CMSS1: variants seen among roughly 807,000 people sequenced by gnomAD.
The protein encoded by CMSS1 is cms1 ribosomal small subunit homolog.
A neutral mutation model predicts 43.5 loss-of-function variants in CMSS1; 33 were observed. That is an observed-to-expected ratio of 0.76 (90% CI 0.57 to 1.01). CMSS1 has a LOEUF of 1.01. Among genes scored for constraint, CMSS1 ranks in the 50% least tolerant of loss-of-function variants. The pLI is 0.00. For missense variants in CMSS1, 313 were observed against 326.4 expected, an observed-to-expected ratio of 0.96 and a Z score of 0.32; for synonymous variants, 115 against 117.2, an observed-to-expected ratio of 0.98 and a Z score of 0.12.
chr3:100,045,186 G>A lies in CMSS1; in HGVS notation c.65-101787G>A, dbSNP rs114594216. Among the ~76,000 whole-genome samples, 688 of 152,308 alleles carry A rather than the reference G, an allele frequency of 4.5e-3. 7 individuals carry two copies. Among genetic ancestry groups the A allele is most frequent in the African/African-American group, 0.016 (674 of 41,578 alleles). On this transcript the variant is annotated intron_variant, in intron 1 of 9. Coordinates refer to ENST00000421999, the MANE Select transcript of CMSS1 (RefSeq NM_032359.4). The stretch of plus-strand genomic sequence containing the variant: ...TTTAAAGCTGCGAATATGACCTCTC[G>A]AAGCCTTAGTTGTTGCATCTATAAC...
chr3:100,144,002 T>C (rs1025050217), intron 1 of CMSS1, among the ~76,000 whole-genome samples: 1 of 152,248 alleles, frequency 6.6e-6, no homozygotes. Context: ...GGTCATATTT[T>C]AAAATTCATT....
At chr3:99,846,239 G>A (rs751562508) in intron 1 of CMSS1, among the ~76,000 whole-genome samples, 20 of 152,110 alleles carry the variant, frequency 1.3e-4, no homozygotes, top group Non-Finnish European at 2.4e-4. Flanking sequence ...CTCTTTATCT[G>A]TTTCCCCCAG....
chr3:99,998,865 G>T (rs374270674), intron 1 of CMSS1, among the ~76,000 whole-genome samples: 1 of 152,084 alleles, frequency 6.6e-6, no homozygotes, highest in Non-Finnish European at 1.5e-5. Context: ...CACCGCGCCC[G>T]GCCATGGTTC....
intron 1 of CMSS1, among the ~76,000 whole-genome samples, chr3:99,855,399 G>T (rs1292054577): frequency 6.6e-6 from 1 of 152,126 alleles, no homozygotes; most frequent in Non-Finnish European, 1.5e-5. Context: ...TATAATAGCT[G>T]CCATTCTTTA....
intron 1 of CMSS1, among the ~76,000 whole-genome samples, chr3:99,859,658 T>G (rs1413175057): frequency 6.6e-6 from 1 of 152,240 alleles, no homozygotes; most frequent in Non-Finnish European, 1.5e-5. Flanking sequence ...AATACATAAT[T>G]TTAACTGTGT....
chr3:100,021,481 GA>G (rs201091403), intron 1 of CMSS1, among the ~76,000 whole-genome samples: 1,875 of 152,260 alleles, frequency 0.012, 32 homozygotes, highest in African/African-American at 0.042. Context: ...TCCTTGTAGA[GA>G]AAATTCCTGT....
chr3:100,177,785 C>A (rs2067160281), intron 9 of CMSS1, among the ~76,000 whole-genome samples: 1 of 152,018 alleles, frequency 6.6e-6, no homozygotes, highest in Non-Finnish European at 1.5e-5. Flanking sequence ...AGTTCGAGAC[C>A]CGCCTGGACA....
chr3:99,899,714 C>T (rs1242418428), intron 1 of CMSS1, among the ~76,000 whole-genome samples: 1 of 152,158 alleles, frequency 6.6e-6, no homozygotes, highest in Non-Finnish European at 1.5e-5. Context: ...CCATTATGGT[C>T]CACCTTCAGG....
chr3:100,101,522 A>G (rs1225821696), intron 1 of CMSS1, among the ~76,000 whole-genome samples: 3 of 152,138 alleles, frequency 2.0e-5, no homozygotes, highest in Non-Finnish European at 2.9e-5. Context: ...TTCCATTGGA[A>G]TTCTTGATTG....
chr3:100,120,123 C>T (rs2066607531), intron 1 of CMSS1, among the ~76,000 whole-genome samples: 1 of 152,230 alleles, frequency 6.6e-6, no homozygotes, highest in Non-Finnish European at 1.5e-5. Flanking sequence ...GCTGTACTCT[C>T]CAGTTTCCAG....
chr3:100,138,003 A>C (rs2066770397), intron 1 of CMSS1, among the ~76,000 whole-genome samples: 1 of 152,230 alleles, frequency 6.6e-6, no homozygotes, highest in African/African-American at 2.4e-5. Context: ...CATATAGTCC[A>C]ATGGAACAGA....
intron 1 of CMSS1, among the ~76,000 whole-genome samples, chr3:100,060,932 CT>C (rs751300459): frequency 1.3e-4 from 20 of 152,274 alleles, no homozygotes; most frequent in South Asian, 1.0e-3. Flanking sequence ...GCCTGCATGG[CT>C]TTGAAATGGA....
intron 1 of CMSS1, among the ~76,000 whole-genome samples, chr3:99,824,557 T>G (rs1458775514): frequency 6.6e-6 from 1 of 152,230 alleles, no homozygotes; most frequent in Non-Finnish European, 1.5e-5. Context: ...CAATTAATTA[T>G]TAATATTTCG....
In CMSS1 at chr3:100,097,950, A is replaced by G. The variant is rs138137388; in HGVS notation, c.65-49023A>G. 4.6e-3 allele frequency among the ~76,000 whole-genome samples: 706 copies of G among 152,334 alleles called. 2 individuals are homozygous for G. Among genetic ancestry groups the G allele is most frequent in the South Asian group, 7.0e-3 (34 of 4,834 alleles). On this transcript the variant is annotated intron_variant, in intron 1 of 9. Transcript: ENST00000421999. ...TATTTTGTTGGTTTTTTAAAATTTC[A>G]TCAACGGTAGCATATCTGACAAGGT...
At chr3:100,021,226 G>A (rs754016296) in intron 1 of CMSS1, among the ~76,000 whole-genome samples, 2 of 152,166 alleles carry the variant, frequency 1.3e-5, no homozygotes, top group African/African-American at 2.4e-5. Context: ...AAAACCATTG[G>A]AAGTAGCTGA....
At chr3:100,177,724 G>A (rs2067159323) in intron 9 of CMSS1, among the ~76,000 whole-genome samples, 1 of 152,182 alleles carries the variant, frequency 6.6e-6, no homozygotes, top group Non-Finnish European at 1.5e-5. Flanking sequence ...GTGCACACCT[G>A]TAATCCTAGT....
chr3:99,846,395 C>G (rs1346610309), intron 1 of CMSS1, among the ~76,000 whole-genome samples: 1 of 152,194 alleles, frequency 6.6e-6, no homozygotes. Flanking sequence ...CTCTCAGTAA[C>G]TAGAAAAAGA....
chr3:99,832,172 C>G (rs1175028278), intron 1 of CMSS1, among the ~76,000 whole-genome samples: 2 of 151,768 alleles, frequency 1.3e-5, no homozygotes, highest in African/African-American at 4.8e-5. Flanking sequence ...GTTTTTACCT[C>G]TAGATGGCAG....
At chr3:100,064,457 C>T (rs1252347037) in intron 1 of CMSS1, among the ~76,000 whole-genome samples, 2 of 151,938 alleles carry the variant, frequency 1.3e-5, no homozygotes, top group African/African-American at 4.8e-5. Context: ...TCGTGTTTGC[C>T]AGCCCCTTAC....
Sources: allele counts gnomAD v4.1 joint callset (sites outside exome capture counted in the v4.1 genomes callset), GRCh38; gene constraint gnomAD v4.1.1; transcripts MANE v1.5; gene names NCBI Gene and HGNC (gene_info 2026-07-23, HGNC 2026-07-21).